The following KLHL18 variants were observed in gnomAD, a reference collection of about 807,000 sequenced individuals.
KLHL18 encodes kelch-like protein 18.
KLHL18 carries 38 observed loss-of-function variants against 58.5 expected under a neutral mutation model. That is an observed-to-expected ratio of 0.65 (90% confidence interval 0.50 to 0.85). The LOEUF is 0.85. Among genes scored for constraint, KLHL18 ranks in the 40% least tolerant of loss-of-function variants. The pLI is 0.00. For synonymous variants in KLHL18, 303 were observed against 301.9 expected, an observed-to-expected ratio of 1.00 and a Z score of -0.04; for missense variants, 624 against 778.4, an observed-to-expected ratio of 0.80 and a Z score of 2.36.
In KLHL18 at chr3:47,334,862, A is replaced by G; in HGVS notation, c.898+43A>G. On this transcript the variant is annotated intron_variant, in intron 6 of 9. Coordinates refer to ENST00000232766, the MANE Select transcript of KLHL18 (RefSeq NM_025010.5). This position sits in a 1 kb window ranked among gnomAD's most constrained non-coding sequence, Gnocchi z 4.7. The stretch of plus-strand genomic sequence containing the variant: ...TTTATAGACCCTCCTCTTGGACTCC[A>G]TGGATGAGGAAGCACCAGACAAATT... 6 of 1,562,784 alleles carry G rather than the reference A, an allele frequency of 3.8e-6. No homozygotes were observed. The highest frequency in any genetic ancestry group is 5.2e-6 in the Non-Finnish European group (6 of 1,150,144).
chr3:47,319,098 C>T (rs981659615), intron 1 of KLHL18, among the ~76,000 whole-genome samples: 1 of 152,222 alleles, frequency 6.6e-6, no homozygotes, highest in Non-Finnish European at 1.5e-5. Flanking sequence ...ATTTGACACT[C>T]ATTGGAGGAA....
intron 3 of KLHL18, among the ~76,000 whole-genome samples, chr3:47,329,213 T>C (rs1437964503): frequency 7.1e-6 from 1 of 141,622 alleles, no homozygotes; most frequent in Non-Finnish European, 1.6e-5. Flanking sequence ...GTTTTTTTTG[T>C]TGTTGTTTTG....
Position 47,308,216 on chromosome 3 carries a change from CT to C in KLHL18, c.130-11425del, listed in dbSNP as rs398062309. Among the ~76,000 whole-genome samples the C allele has an allele frequency of 3.0e-3, 432 of 142,310 alleles. 1 individual carries two copies. Among genetic ancestry groups the C allele is most frequent in the African/African-American group, 8.5e-3 (331 of 39,114 alleles). 93.4% of individuals were successfully genotyped at this position (142,310 alleles called of 152,430 possible). ...CATGCAGTCTGGGCACTTAACTGTT[CT>C]TTTTTTTTTTTCCTGGGTGCAGGCA... On this transcript the variant is annotated intron_variant, in intron 1 of 9. Coordinates refer to ENST00000232766, the MANE Select transcript of KLHL18 (RefSeq NM_025010.5).
intron 4 of KLHL18, among the ~76,000 whole-genome samples, chr3:47,332,777 T>C (rs1703894391): frequency 6.6e-6 from 1 of 151,286 alleles, no homozygotes; most frequent in African/African-American, 2.4e-5. Context: ...GATGAGGGCA[T>C]TTTAGATGAG....
chr3:47,311,084 A>G (rs1703288825), intron 1 of KLHL18, among the ~76,000 whole-genome samples: 1 of 150,480 alleles, frequency 6.6e-6, no homozygotes, highest in African/African-American at 2.5e-5. Flanking sequence ...ATCTTGGCTC[A>G]CTGCAAGCTC....
chr3:47,300,070 C>T lies in KLHL18; in HGVS notation c.129+16976C>T, dbSNP rs531536624. The stretch of plus-strand genomic sequence containing the variant: ...TCCCCGCCATACCTCCTCCCTCTCT[C>T]TTTCTCACTCCCTGTCCTCTTTCCC... On this transcript the variant is annotated intron_variant, in intron 1 of 9. Transcript: ENST00000232766. 8.6e-5 allele frequency among the ~76,000 whole-genome samples: 13 copies of T among 151,110 alleles called. No individual in the cohort carries two copies. The East Asian group carries it at 2.5e-3, about 29-fold the overall frequency.
At chr3:47,283,117 G>A in intron 1 of KLHL18, 23 bp downstream of exon 1, 1 of 1,559,260 alleles carries the variant, frequency 6.4e-7, no homozygotes, top group Non-Finnish European at 8.7e-7. Context: ...GGGCGGCAGC[G>A]GGCTGAGGGA....
chr3:47,345,839 AG>A lies in KLHL18; in HGVS notation c.*1901del, dbSNP rs1237832185. The A allele has an allele frequency of 6.6e-6, 1 of 152,628 alleles. No homozygotes were observed. Among genetic ancestry groups the A allele is most frequent in the African/African-American group, 2.4e-5 (1 of 41,448 alleles). 9.5% of individuals were successfully genotyped at this position (152,628 alleles called of 1,614,324 possible). Reference sequence around the variant, plus strand: ...GTGTGTGCAATCGCCATGTATTCAGAGGGAAGTACCTTTGTTACCTACAACT... The same window carrying A: ...GTGTGTGCAATCGCCATGTATTCAGAGGAAGTACCTTTGTTACCTACAACT... On this transcript the variant is annotated 3_prime_UTR_variant, in exon 10 of 10. Coordinates refer to ENST00000232766, the MANE Select transcript of KLHL18 (RefSeq NM_025010.5).
intron 1 of KLHL18, among the ~76,000 whole-genome samples, chr3:47,283,843 C>T (rs1435872086): frequency 6.6e-6 from 1 of 152,234 alleles, no homozygotes; most frequent in African/African-American, 2.4e-5. Flanking sequence ...CCTGGCCAAG[C>T]CACCGAACCA....
chr3:47,326,865 G>A (rs1216440539), intron 3 of KLHL18, among the ~76,000 whole-genome samples: 1 of 151,624 alleles, frequency 6.6e-6, no homozygotes, highest in African/African-American at 2.4e-5. Context: ...AGGTTGCGGT[G>A]AGCCGAGATC....
chr3:47,325,098 C>T (rs1703683848), intron 3 of KLHL18, among the ~76,000 whole-genome samples: 1 of 152,172 alleles, frequency 6.6e-6, no homozygotes, highest in South Asian at 2.1e-4. Context: ...AATGATTCTC[C>T]CTGAGCCTCG....
intron 1 of KLHL18, among the ~76,000 whole-genome samples, chr3:47,296,643 TG>T (rs2107587356): frequency 6.6e-6 from 1 of 152,274 alleles, no homozygotes; most frequent in South Asian, 2.1e-4. Context: ...GACTGTTGCA[TG>T]GAAAGGATGG....
chr3:47,290,623 G>A lies in KLHL18; in HGVS notation c.129+7529G>A, dbSNP rs143645435. Among the ~76,000 whole-genome samples, 120 of 152,180 alleles carry A rather than the reference G, an allele frequency of 7.9e-4. 3 individuals are homozygous for A. The East Asian group carries it at 0.02, about 26-fold the overall frequency. On this transcript the variant is annotated intron_variant, in intron 1 of 9. Coordinates refer to ENST00000232766, the MANE Select transcript of KLHL18 (RefSeq NM_025010.5). Reference sequence around the variant, plus strand: ...ACCACAGGTGTATGCCACCACGCCTGGCTAATTTTGTTTATTTTTTGAGAG... The same window carrying A: ...ACCACAGGTGTATGCCACCACGCCTAGCTAATTTTGTTTATTTTTTGAGAG...
chr3:47,283,874 GA>G (rs1702567266), intron 1 of KLHL18, among the ~76,000 whole-genome samples: 1 of 152,224 alleles, frequency 6.6e-6, no homozygotes, highest in South Asian at 2.1e-4. Flanking sequence ...TCCGGTTGGG[GA>G]GATGATCAGT....
At chr3:47,284,234 C>G (rs1702591944) in intron 1 of KLHL18, among the ~76,000 whole-genome samples, 2 of 151,676 alleles carry the variant, frequency 1.3e-5, no homozygotes, top group East Asian at 1.9e-4. Context: ...CCTATTTCTC[C>G]TATTTCTCTC....
intron 1 of KLHL18, among the ~76,000 whole-genome samples, chr3:47,312,207 C>T (rs889062386): frequency 3.9e-5 from 6 of 152,196 alleles, no homozygotes; most frequent in Non-Finnish European, 7.3e-5. Context: ...GATCTAGCCT[C>T]AGCAGCTTCC....
At chr3:47,326,416 G>A (rs994105002) in intron 3 of KLHL18, among the ~76,000 whole-genome samples, 8 of 152,208 alleles carry the variant, frequency 5.3e-5, no homozygotes, top group Non-Finnish European at 8.8e-5. Context: ...TGTCAGCAAG[G>A]AAGAAGGTTG....
In KLHL18 at chr3:47,343,965, G is replaced by T. The variant is rs755054154; in HGVS notation, c.*24G>T. On this transcript the variant is annotated 3_prime_UTR_variant, in exon 10 of 10. Transcript: ENST00000232766. Reference sequence around the variant, plus strand: ...AAGGCAGAGGATGGGATGTGGTGGGGCAGGGATCTGGTACAGACATAGGCG... The same window carrying T: ...AAGGCAGAGGATGGGATGTGGTGGGTCAGGGATCTGGTACAGACATAGGCG... The T allele has an allele frequency of 6.8e-6, 11 of 1,609,280 alleles. No individual in the cohort carries two copies. Among genetic ancestry groups the T allele is most frequent in the Non-Finnish European group, 9.3e-6 (11 of 1,179,652 alleles).
At chr3:47,294,669 G>A (rs1702858696) in intron 1 of KLHL18, among the ~76,000 whole-genome samples, 1 of 152,126 alleles carries the variant, frequency 6.6e-6, no homozygotes, top group East Asian at 1.9e-4. Context: ...ACAGTTCCTT[G>A]CATGTGTATG....
Sources: allele counts gnomAD v4.1 joint callset (sites outside exome capture counted in the v4.1 genomes callset), GRCh38; gene constraint gnomAD v4.1.1; non-coding constraint Gnocchi (gnomAD v3.1); transcripts MANE v1.5; gene names NCBI Gene and HGNC (gene_info 2026-07-23, HGNC 2026-07-21).